Variants in GBF1 observed in about 807,000 individuals in gnomAD.
GBF1 encodes Golgi-specific brefeldin A-resistance guanine nucleotide exchange factor 1.
In GBF1, 114 loss-of-function variants were observed where a neutral mutation model predicts 210.5. The observed-to-expected ratio is 0.54, with a 90% CI of 0.47 to 0.63. The LOEUF (loss-of-function observed/expected upper bound fraction) is 0.63, where lower values mean the gene tolerates loss of function less well. Ranked by LOEUF, GBF1 falls within the 30% of genes least tolerant of loss-of-function variation. GBF1 has a pLI of 0.00. For missense variants in GBF1, 1,851 were observed against 2,357.7 expected (o/e 0.79, Z 4.45); for synonymous variants, 850 against 889.2 (o/e 0.96, Z 0.78).
At chr10:102,247,831 G>A (rs1420086736) in intron 1 of GBF1, among the ~76,000 whole-genome samples, 1 of 152,100 alleles carries the variant, frequency 6.6e-6, no homozygotes, top group East Asian at 1.9e-4. Flanking sequence ...ATGCTCATTG[G>A]CACAGTGGGA....
At chr10:102,266,191 A>G (rs969373547) in intron 3 of GBF1, among the ~76,000 whole-genome samples, 4 of 152,144 alleles carry the variant, frequency 2.6e-5, no homozygotes, top group Admixed American at 6.5e-5. Context: ...GTGAGCCGAG[A>G]TCGTGCCACT....
intron 14 of GBF1, among the ~76,000 whole-genome samples, chr10:102,362,232 A>G (rs1191369398): frequency 6.7e-6 from 1 of 150,204 alleles, no homozygotes; most frequent in Non-Finnish European, 1.5e-5. Context: ...AATTTTTTGT[A>G]TTTTTAGCAG....
intron 38 of GBF1, 23 bp downstream of exon 38, chr10:102,380,709 A>G: frequency 6.4e-7 from 1 of 1,571,790 alleles, no homozygotes; most frequent in Non-Finnish European, 8.7e-7. Context: ...GCCCAGCTTT[A>G]TCAAAAAGAG....
At chr10:102,341,079 A>G (rs986539144) in intron 3 of GBF1, among the ~76,000 whole-genome samples, 1 of 152,240 alleles carries the variant, frequency 6.6e-6, no homozygotes, top group Non-Finnish European at 1.5e-5. Flanking sequence ...AAGGACTTGA[A>G]TTCAGAATAA....
At chr10:102,281,579 TTGTTA>T (rs1001235467) in intron 3 of GBF1, among the ~76,000 whole-genome samples, 8 of 149,060 alleles carry the variant, frequency 5.4e-5, no homozygotes, top group East Asian at 1.9e-4. Context: ...TTTATATAAA[TTGTTA>T]TATTATAACT....
chr10:102,369,719 T>C lies in GBF1; in HGVS notation c.3159T>C (p.Asp1053=). The C allele has an allele frequency of 6.2e-7, 1 of 1,614,050 alleles. No homozygotes were observed. Among genetic ancestry groups the C allele is most frequent in the East Asian group, 2.2e-5 (1 of 44,882 alleles). ...LLPKAMIEVE[D]FVDPNGKISL... ...TTGACTTACTTTTCCAGGTAGAAGA[T>C]TTCGTGGATCCCAATGGCAAGATCT... Residue 1053 remains aspartate, a synonymous_variant, in exon 25 of 40, where the codon GAT becomes GAC. Coordinates refer to ENST00000369983, the MANE Select transcript of GBF1 (RefSeq NM_001377137.1).
intron 3 of GBF1, among the ~76,000 whole-genome samples, chr10:102,343,157 C>T (rs1426949987): frequency 6.6e-6 from 1 of 152,204 alleles, no homozygotes; most frequent in Non-Finnish European, 1.5e-5. Flanking sequence ...TACAGACTGC[C>T]TCCATGACTA....
At chr10:102,308,259 A>G (rs138135312) in intron 3 of GBF1, among the ~76,000 whole-genome samples, 170 of 151,926 alleles carry the variant, frequency 1.1e-3, no homozygotes, top group African/African-American at 3.7e-3. Flanking sequence ...TAAAATGGAT[A>G]AGTAAAATGT....
chr10:102,296,596 G>T (rs1251038112), intron 3 of GBF1, among the ~76,000 whole-genome samples: 1 of 152,130 alleles, frequency 6.6e-6, no homozygotes, highest in Non-Finnish European at 1.5e-5. Flanking sequence ...GACAAAATTA[G>T]CCGGGCTTAG....
intron 4 of GBF1, among the ~76,000 whole-genome samples, chr10:102,345,646 C>CAAA (rs59037566): frequency 1.7e-4 from 3 of 17,962 alleles, no homozygotes; most frequent in Non-Finnish European, 2.6e-4. Flanking sequence ...GACTCCGTCT[C>CAAA]AAAAAAAAAA....
chr10:102,321,981 C>A (rs1364575308), intron 3 of GBF1, among the ~76,000 whole-genome samples: 1 of 152,178 alleles, frequency 6.6e-6, no homozygotes, highest in Non-Finnish European at 1.5e-5. Context: ...AGCTCAGCCT[C>A]CAGAGTAGTT....
At chr10:102,311,184 A>G (rs1293127661) in intron 3 of GBF1, among the ~76,000 whole-genome samples, 1 of 152,144 alleles carries the variant, frequency 6.6e-6, no homozygotes, top group East Asian at 1.9e-4. Context: ...ACTCCTAGTC[A>G]CTCTGCATCA....
chr10:102,331,851 ATTTTTTTTTT>A (rs869198412), intron 3 of GBF1, among the ~76,000 whole-genome samples: 1 of 85,320 alleles, frequency 1.2e-5, no homozygotes, highest in Non-Finnish European at 2.2e-5. Flanking sequence ...TACCTGGCTA[ATTTTTTTTTT>A]TTTTTTTTTT....
upstream of GBF1, among the ~76,000 whole-genome samples, chr10:102,242,928 C>CAAAAAAAAAAAAAAA (rs58301527): frequency 7.6e-6 from 1 of 132,406 alleles, no homozygotes; most frequent in African/African-American, 2.9e-5. Context: ...GACTCTGTCT[C>CAAAAAAAAAAAAAAA]AAAAAAAAAA....
upstream of GBF1, among the ~76,000 whole-genome samples, chr10:102,243,472 C>T (rs556129048): frequency 3.9e-5 from 6 of 152,154 alleles, no homozygotes; most frequent in African/African-American, 7.2e-5. Flanking sequence ...ATTGTCATCT[C>T]TCTCCTCCCC....
Position 102,362,541 on chromosome 10 carries a change from G to C in GBF1, c.1753G>C (p.Val585Leu). The change falls in exon 15 of 40, where the codon GTG becomes CTG. Residue 585 changes from valine to leucine, a missense_variant. By Grantham distance (32) the Val-to-Leu change is conservative. Transcript: ENST00000369983. ...ACTATCTCTTGATGCCCTATTGACA[G>C]TGATTGACAGCACCGAGGCCCACTG... is the stretch of plus-strand genomic sequence containing the variant. ...HLLSLDALLT[V>L]IDSTEAHCQA... 6.2e-7 allele frequency: 1 copy of C among 1,613,962 alleles called. No individual in the cohort carries two copies. The highest frequency in any genetic ancestry group is 8.5e-7 in the Non-Finnish European group (1 of 1,179,832).
At chr10:102,331,843 C>T (rs1453682098) in intron 3 of GBF1, among the ~76,000 whole-genome samples, 2 of 142,502 alleles carry the variant, frequency 1.4e-5, no homozygotes, top group Admixed American at 1.4e-4. Context: ...CGCCACCATA[C>T]CTGGCTAATT....
At chr10:102,336,424 C>G (rs1196108946) in intron 3 of GBF1, among the ~76,000 whole-genome samples, 1 of 151,846 alleles carries the variant, frequency 6.6e-6, no homozygotes, top group Non-Finnish European at 1.5e-5. Context: ...TTATTATACA[C>G]TTTATTCCAT....
At chr10:102,362,745 C>G in intron 15 of GBF1, 81 bp downstream of exon 15, 2 of 1,050,610 alleles carry the variant, frequency 1.9e-6, no homozygotes, top group Non-Finnish European at 2.9e-6. Context: ...TTTCCTGTCC[C>G]CATATCACTT....
Sources: gnomAD v4.1 joint callset for allele counts (sites outside exome capture counted in the v4.1 genomes callset) on GRCh38, gnomAD v4.1.1 for gene constraint, MANE v1.5 for transcripts, NCBI Gene and HGNC (gene_info 2026-07-23, HGNC 2026-07-21) for gene names.